Variants in CMKLR1 observed in about 807,000 individuals in gnomAD.
The protein encoded by CMKLR1 is chemerin-like receptor 1.
A neutral mutation model predicts 8.2 loss-of-function variants in CMKLR1; 6 were observed. The ratio of observed to expected loss-of-function variants is 0.73; its 90% CI spans 0.40 to 1.44. CMKLR1 has a LOEUF of 1.44. CMKLR1 is among the 40% of genes most tolerant of loss of function. The probability of loss-of-function intolerance (pLI) is 0.02; values close to 1 mark genes in which losing one functional copy is unlikely to be tolerated. For synonymous variants in CMKLR1, 178 were observed against 181.2 expected, an observed-to-expected ratio of 0.98 and a Z score of 0.14; for missense variants, 429 against 478.0, an observed-to-expected ratio of 0.90 and a Z score of 0.96.
chr12:108,304,693 T>C (rs1041946723), intron 2 of CMKLR1, among the ~76,000 whole-genome samples: 5 of 152,172 alleles, frequency 3.3e-5, no homozygotes, highest in African/African-American at 9.7e-5. Context: ...TCTCTTCCCA[T>C]GTTTTCTCCA....
chr12:108,298,958 G>A (rs904170918), intron 2 of CMKLR1, among the ~76,000 whole-genome samples: 6 of 152,242 alleles, frequency 3.9e-5, no homozygotes, highest in Admixed American at 2.0e-4. Context: ...CAAGGTCCAC[G>A]TGTGGGCGGC....
At chr12:108,307,228 G>A (rs576430605) in intron 2 of CMKLR1, among the ~76,000 whole-genome samples, 1 of 152,314 alleles carries the variant, frequency 6.6e-6, no homozygotes, top group South Asian at 2.1e-4. Context: ...CTCAGGATGT[G>A]GTCAAGAAGG....
intron 2 of CMKLR1, among the ~76,000 whole-genome samples, chr12:108,303,566 G>C (rs1443535963): frequency 6.6e-6 from 1 of 152,188 alleles, no homozygotes; most frequent in Admixed American, 6.5e-5. Context: ...CCATTCTGAA[G>C]GAATGCTCAG....
chr12:108,337,311 T>C (rs1892250718), intron 1 of CMKLR1, among the ~76,000 whole-genome samples: 1 of 151,744 alleles, frequency 6.6e-6, no homozygotes, highest in Admixed American at 6.6e-5. Context: ...CTGAGAGGAG[T>C]TATTAGGTAA....
Position 108,292,940 on chromosome 12 carries a change from T to G in CMKLR1, c.23A>C (p.Tyr8Ser), listed in dbSNP as rs202234426. 2.5e-6 allele frequency: 4 copies of G among 1,610,480 alleles called. No individual in the cohort carries two copies. The highest frequency in any genetic ancestry group is 1.3e-5 in the African/African-American group (1 of 74,998). MRMEDEDYNTSISYGDEY... is the reference protein window; with the variant it reads MRMEDEDSNTSISYGDEY... ...ATCACCGTAACTGATGGAAGTGTTGTAATCTTCATCCTCCATTCTCTGCAA... is the reference window on the plus strand; with the variant it reads ...ATCACCGTAACTGATGGAAGTGTTGGAATCTTCATCCTCCATTCTCTGCAA... Residue 8 changes from tyrosine (Y) to serine (S), a missense_variant, in exon 4 of 4, where the codon TAC (tyrosine) becomes TCC (serine). Coordinates refer to ENST00000550402, the MANE Select transcript of CMKLR1 (RefSeq NM_001142343.2).
At chr12:108,309,310 A>G (rs1347387606) in intron 2 of CMKLR1, among the ~76,000 whole-genome samples, 1 of 152,206 alleles carries the variant, frequency 6.6e-6, no homozygotes. Context: ...TCTCCCTAAC[A>G]TAGAATTCCC....
intron 1 of CMKLR1, among the ~76,000 whole-genome samples, chr12:108,332,262 G>A (rs921126237): frequency 3.3e-5 from 5 of 152,200 alleles, no homozygotes; most frequent in East Asian, 1.9e-4. Context: ...CGGGCTCACC[G>A]CAAAAACATG....
At chr12:108,307,937 C>A (rs1268661544) in intron 2 of CMKLR1, among the ~76,000 whole-genome samples, 1 of 152,296 alleles carries the variant, frequency 6.6e-6, no homozygotes, top group South Asian at 2.1e-4. Context: ...AAACAGCCAG[C>A]CCTTCATCAG....
At chr12:108,298,820 C>T (rs1450847599) in intron 2 of CMKLR1, among the ~76,000 whole-genome samples, 2 of 152,176 alleles carry the variant, frequency 1.3e-5, no homozygotes, top group Non-Finnish European at 2.9e-5. Context: ...TGGATTTGGC[C>T]CCAGGGCAAA....
rs543722509 is a variant in CMKLR1, at chr12:108,307,235, A to G, written c.-73-13571T>C. 2.6e-5 allele frequency among the ~76,000 whole-genome samples: 4 copies of G among 152,286 alleles called. No individual in the cohort carries two copies. In the East Asian group the frequency reaches 7.7e-4, roughly 29 times the overall value. On this transcript the variant is annotated intron_variant, in intron 2 of 3. Coordinates refer to ENST00000550402, the MANE Select transcript of CMKLR1 (RefSeq NM_001142343.2). ...ACAGCTTGCTCAGGATGTGGTCAAG[A>G]AGGCAGCTGGGGTGAGTGACTTCTG...
At chr12:108,319,734 C>T (rs1415139401) in intron 2 of CMKLR1, among the ~76,000 whole-genome samples, 1 of 151,972 alleles carries the variant, frequency 6.6e-6, no homozygotes, top group East Asian at 1.9e-4. Flanking sequence ...TGAATCTTAC[C>T]ATTATATGAC....
At chr12:108,310,440 C>T (rs1229984893) in intron 2 of CMKLR1, among the ~76,000 whole-genome samples, 4 of 152,144 alleles carry the variant, frequency 2.6e-5, no homozygotes, top group Admixed American at 2.6e-4. Flanking sequence ...AACTGAGGAT[C>T]CTTCTGCCAG....
In CMKLR1 at chr12:108,307,801, G is replaced by T. The variant is rs79405997; in HGVS notation, c.-73-14137C>A. Among the ~76,000 whole-genome samples the T allele has an allele frequency of 5.3e-3, 803 of 152,330 alleles. 6 individuals are homozygous for T. The highest frequency in any genetic ancestry group is 0.014 in the Middle Eastern group (4 of 294). ...GGGCATTAACACCTAACAAGGAGGTGGTCCTGGCTGGGTGACCTGGATCTG... is the reference window on the plus strand; with the variant it reads ...GGGCATTAACACCTAACAAGGAGGTTGTCCTGGCTGGGTGACCTGGATCTG... On this transcript the variant is annotated intron_variant, in intron 2 of 3. Coordinates refer to ENST00000550402, the MANE Select transcript of CMKLR1 (RefSeq NM_001142343.2).
intron 2 of CMKLR1, among the ~76,000 whole-genome samples, chr12:108,327,657 G>A (rs1892009869): frequency 1.3e-5 from 2 of 152,234 alleles, no homozygotes; most frequent in South Asian, 2.1e-4. Context: ...GCAGCCTGTT[G>A]TGATCAGCCA....
chr12:108,315,203 G>A (rs1375822172), intron 2 of CMKLR1, among the ~76,000 whole-genome samples: 2 of 152,148 alleles, frequency 1.3e-5, no homozygotes, highest in Non-Finnish European at 2.9e-5. Flanking sequence ...GATTACAGGT[G>A]TGAGCCACTG....
rs1016957471 is a variant in CMKLR1 at position 108,314,452 on chromosome 12, C to T, written c.-74+15543G>A. Among the ~76,000 whole-genome samples the T allele has an allele frequency of 3.9e-5, 6 of 152,320 alleles. No individual in the cohort carries two copies. In the East Asian group the frequency reaches 5.8e-4, roughly 15 times the overall value. The stretch of plus-strand genomic sequence containing the variant: ...AGACATGGGGGATCTGATCACGGAA[C>T]GGGGTCTCCAGTTCCTGAATGTTTT... On this transcript the variant is annotated intron_variant, in intron 2 of 3. Transcript: ENST00000550402.
intron 2 of CMKLR1, among the ~76,000 whole-genome samples, chr12:108,324,866 A>G (rs1010090758): frequency 3.4e-5 from 5 of 147,846 alleles, no homozygotes; most frequent in African/African-American, 1.3e-4. Context: ...TTCCTCCCAC[A>G]GCCTCCAGTC....
rs189602913 is a variant in CMKLR1 at position 108,325,492 on chromosome 12, A to G, written c.-74+4503T>C. Among the ~76,000 whole-genome samples the G allele has an allele frequency of 2.1e-3, 313 of 152,328 alleles. 1 individual carries two copies. The highest frequency in any genetic ancestry group is 6.8e-3 in the African/African-American group (284 of 41,578). ...TATCAGCCCAATTCCAACTTCCCCA[A>G]TGGGTAAATAGCTGGCTGTGGCAAA... On this transcript the variant is annotated intron_variant, in intron 2 of 3. Transcript: ENST00000550402.
Position 108,290,288 on chromosome 12 carries a change from A to T in CMKLR1, c.*1553T>A, listed in dbSNP as rs1336987691. 6.6e-6 allele frequency: 1 copy of T among 152,222 alleles called. No individual in the cohort carries two copies. Among genetic ancestry groups the T allele is most frequent in the Non-Finnish European group, 1.5e-5 (1 of 68,040 alleles). The allele number at this position is 152,222 out of a possible 1,614,324, so 9.4% of individuals were successfully genotyped here. ...ATTTGAGCCAGGCAAACTGAAGTTC[A>T]AATCCAAGCTCCGGCAGAGACTAGC... On this transcript the variant is annotated 3_prime_UTR_variant, in exon 4 of 4. Transcript: ENST00000550402.
Sources: allele counts gnomAD v4.1 joint callset (sites outside exome capture counted in the v4.1 genomes callset), GRCh38; gene constraint gnomAD v4.1.1; transcripts MANE v1.5; gene names NCBI Gene and HGNC (gene_info 2026-07-23, HGNC 2026-07-21).